The following SP3 variants were observed in gnomAD, a reference collection of about 807,000 sequenced individuals.
The protein encoded by SP3 is Sp3 transcription factor.
Under a neutral mutation model 70.3 loss-of-function variants are expected in SP3, and 10 were observed. The ratio of observed to expected loss-of-function variants is 0.14; its 90% CI spans 0.09 to 0.24. The LOEUF (loss-of-function observed/expected upper bound fraction) is 0.24. SP3 is among the 10% of genes least tolerant of loss of function. The pLI, the probability that SP3 is intolerant of heterozygous loss-of-function variation, is 1.00. For synonymous variants in SP3, 402 were observed against 333.5 expected (o/e 1.21, Z -2.24); for missense variants, 825 against 914.6 (o/e 0.90, Z 1.26).
intron 4 of SP3, among the ~76,000 whole-genome samples, chr2:173,928,733 T>C (rs1168814290): frequency 1.3e-5 from 2 of 152,212 alleles, no homozygotes; most frequent in Admixed American, 6.5e-5. Context: ...GTATTACCTA[T>C]ATAATTAGAG....
At chr2:173,958,338 T>C (rs1690959120) in intron 3 of SP3, among the ~76,000 whole-genome samples, 1 of 151,228 alleles carries the variant, frequency 6.6e-6, no homozygotes, top group Admixed American at 6.6e-5. Flanking sequence ...AGCTTTCTAG[T>C]CAAGAAATTC....
At chr2:173,915,828 T>C (rs2105457064) in intron 5 of SP3, 1 of 152,270 alleles carries the variant, frequency 6.6e-6, no homozygotes, top group East Asian at 1.9e-4. Context: ...GCTCAATAAA[T>C]ATTTGCTAAA....
At position 173,918,797 on chromosome 2, in the gene SP3, A is replaced by C. The variant is rs1198309384; in HGVS notation, c.1640-12T>G. 3.8e-6 allele frequency: 6 copies of C among 1,595,884 alleles called. No homozygotes were observed. The highest frequency in any genetic ancestry group is 5.1e-6 in the Non-Finnish European group (6 of 1,172,378). ...CTTGATCCTAATATCTAAAGGGAAA[A>C]AAAAACCAAATACAGATGAGAAGCA... On this transcript the variant is annotated splice_polypyrimidine_tract_variant and intron_variant, in intron 4 of 6. Coordinates refer to ENST00000310015, the MANE Select transcript of SP3 (RefSeq NM_003111.5).
Position 173,909,254 on chromosome 2 carries a change from T to G in SP3, c.*687A>C, listed in dbSNP as rs528658839. On this transcript the variant is annotated 3_prime_UTR_variant, in exon 7 of 7. Transcript: ENST00000310015. The stretch of plus-strand genomic sequence containing the variant: ...TTGGTTATATTGCCCAACTTCGTTA[T>G]TGAAAGAATATTAACAAGACATTAT... 6.6e-6 allele frequency: 1 copy of G among 152,564 alleles called. No individual in the cohort carries two copies. Among genetic ancestry groups the G allele is most frequent in the Non-Finnish European group, 1.5e-5 (1 of 67,980 alleles). 9.5% of individuals were successfully genotyped at this position (152,564 alleles called of 1,614,324 possible).
At chr2:173,941,385 A>G (rs918544333) in intron 4 of SP3, among the ~76,000 whole-genome samples, 1 of 152,200 alleles carries the variant, frequency 6.6e-6, no homozygotes, top group Non-Finnish European at 1.5e-5. Flanking sequence ...AGGCAGGTGG[A>G]TAACGTGAGA....
chr2:173,907,673 C>T lies in SP3; in HGVS notation c.*2268G>A, dbSNP rs910675117. 7.2e-5 allele frequency: 11 copies of T among 152,102 alleles called. No individual in the cohort carries two copies. Among genetic ancestry groups the T allele is most frequent in the African/African-American group, 2.4e-4 (10 of 41,452 alleles). 9.4% of individuals were successfully genotyped at this position (152,102 alleles called of 1,614,324 possible). ...TCTACTATCATTCAAATGGTTTAAT[C>T]TGACTTAATGGGCAGTTTGCTCAAG... On this transcript the variant is annotated 3_prime_UTR_variant, in exon 7 of 7. Coordinates refer to ENST00000310015, the MANE Select transcript of SP3 (RefSeq NM_003111.5).
In SP3 at chr2:173,903,389, A is replaced by G. The variant is rs972161054; in HGVS notation, c.*6552T>C. On this transcript the variant is annotated 3_prime_UTR_variant, in exon 7 of 7. Coordinates refer to ENST00000310015, the MANE Select transcript of SP3 (RefSeq NM_003111.5). The stretch of plus-strand genomic sequence containing the variant: ...GTGGTAAGCGGCAGAACTGGGAGAC[A>G]AGCAAGCCCATGTGTGTCTAAGTCC... Among the ~76,000 whole-genome samples the G allele has an allele frequency of 3.3e-5, 5 of 152,198 alleles. No homozygotes were observed. Among genetic ancestry groups the G allele is most frequent in the African/African-American group, 1.2e-4 (5 of 41,450 alleles).
rs527384989 is a variant in SP3 at position 173,953,289 on chromosome 2, G to C, written c.1639+1584C>G. Among the ~76,000 whole-genome samples, 11 of 152,326 alleles carry C rather than the reference G, an allele frequency of 7.2e-5. No individual in the cohort carries two copies. The East Asian group carries it at 2.1e-3, about 29-fold the overall frequency. On this transcript the variant is annotated intron_variant, in intron 4 of 6. Coordinates refer to ENST00000310015, the MANE Select transcript of SP3 (RefSeq NM_003111.5). ...CCACCACTGAAAGTGTCAACACAGAGAACAAGGCAAACAATTTCTTAGTGC... is the reference window on the plus strand; with the variant it reads ...CCACCACTGAAAGTGTCAACACAGACAACAAGGCAAACAATTTCTTAGTGC...
At chr2:173,964,811 C>T in intron 1 of SP3, 2 of 469,176 alleles carry the variant, frequency 4.3e-6, no homozygotes, top group East Asian at 3.7e-5. Flanking sequence ...CCTGCCCCCT[C>T]TCCTCTCCTC....
chr2:173,919,902 C>T (rs1047461389), intron 4 of SP3, among the ~76,000 whole-genome samples: 3 of 152,092 alleles, frequency 2.0e-5, no homozygotes, highest in African/African-American at 7.2e-5. Context: ...AATACAAGTA[C>T]AAAATTTACA....
chr2:173,905,835 C>T lies in SP3; in HGVS notation c.*4106G>A, dbSNP rs1689299443. Among the ~76,000 whole-genome samples the T allele has an allele frequency of 6.6e-6, 1 of 152,068 alleles. No individual in the cohort carries two copies. Among genetic ancestry groups the T allele is most frequent in the Admixed American group, 6.5e-5 (1 of 15,276 alleles). On this transcript the variant is annotated 3_prime_UTR_variant, in exon 7 of 7. Transcript: ENST00000310015. Reference sequence around the variant, plus strand: ...GCAATATAGTGAGACCCCATCTCTACAAAACAAATTAAAATTAACTGAGCA... The same window carrying T: ...GCAATATAGTGAGACCCCATCTCTATAAAACAAATTAAAATTAACTGAGCA...
chr2:173,908,457 T>C lies in SP3; in HGVS notation c.*1484A>G, dbSNP rs1453994811. 2.6e-5 allele frequency: 4 copies of C among 152,360 alleles called. No homozygotes were observed. The highest frequency in any genetic ancestry group is 1.9e-4 in the East Asian group (1 of 5,190). The allele number at this position is 152,360 out of a possible 1,614,324, so 9.4% of individuals were successfully genotyped here. A position where few individuals can be genotyped will look rare whatever the true frequency, so the allele number is the denominator to read the frequency against. ...AAGAATCTAAAAATAAAAAGCCAAGTTGAAGAAAAATAAACCACCAATTCT... is the reference window on the plus strand; with the variant it reads ...AAGAATCTAAAAATAAAAAGCCAAGCTGAAGAAAAATAAACCACCAATTCT... On this transcript the variant is annotated 3_prime_UTR_variant, in exon 7 of 7. Transcript: ENST00000310015.
At chr2:173,934,614 C>T (rs915902977) in intron 4 of SP3, among the ~76,000 whole-genome samples, 2 of 151,946 alleles carry the variant, frequency 1.3e-5, no homozygotes, top group South Asian at 2.1e-4. Context: ...CCTGTAACTC[C>T]GGCACTTCAG....
At chr2:173,964,290 T>TGGAGGGGAGGGGAGA in intron 2 of SP3, 115 bp downstream of exon 2, 5 of 290,790 alleles carry the variant, frequency 1.7e-5, no homozygotes, top group South Asian at 1.4e-4. Context: ...GGGAGGGGAG[T>TGGAGGGGAGGGGAGA]GGAGGGGAGG....
chr2:173,957,382 G>C (rs919077820), intron 3 of SP3, among the ~76,000 whole-genome samples: 1 of 151,956 alleles, frequency 6.6e-6, no homozygotes, highest in Non-Finnish European at 1.5e-5. Flanking sequence ...ACACTCTGTG[G>C]AAGACACAAG....
intron 4 of SP3, 49 bp from the exon 5 acceptor site, chr2:173,918,834 CAAA>C: frequency 1.3e-6 from 2 of 1,497,986 alleles, no homozygotes; most frequent in Non-Finnish European, 1.8e-6. Flanking sequence ...CCAAATGGCC[CAAA>C]AAGACAGCAT....
intron 4 of SP3, among the ~76,000 whole-genome samples, chr2:173,925,031 G>A (rs527790893): frequency 1.3e-5 from 2 of 152,210 alleles, no homozygotes; most frequent in African/African-American, 2.4e-5. Flanking sequence ...GGGATTACAG[G>A]CATGCAACAC....
chr2:173,923,388 T>C (rs1301643837), intron 4 of SP3, among the ~76,000 whole-genome samples: 1 of 151,908 alleles, frequency 6.6e-6, no homozygotes, highest in African/African-American at 2.4e-5. Context: ...ACACACAATA[T>C]GGTTACAAAG....
At chr2:173,947,956 C>CT (rs1256793112) in intron 4 of SP3, among the ~76,000 whole-genome samples, 2 of 152,286 alleles carry the variant, frequency 1.3e-5, no homozygotes, top group Admixed American at 1.3e-4. Flanking sequence ...TAAGACTGTG[C>CT]TGATGTCCTC....
Sources: allele counts gnomAD v4.1 joint callset (sites outside exome capture counted in the v4.1 genomes callset), GRCh38; gene constraint gnomAD v4.1.1; transcripts MANE v1.5; gene names NCBI Gene and HGNC (gene_info 2026-07-23, HGNC 2026-07-21).